Variants in TMEM132B observed in about 807,000 individuals in gnomAD.
The protein encoded by TMEM132B is transmembrane protein 132B.
In TMEM132B, 18 loss-of-function variants were observed where a neutral mutation model predicts 90.8. The ratio of observed to expected loss-of-function variants is 0.20; its 90% CI spans 0.14 to 0.29. TMEM132B has a LOEUF of 0.29. TMEM132B is among the 10% of genes least tolerant of loss of function. TMEM132B has a pLI of 1.00. For missense variants in TMEM132B, 1,096 were observed against 1,326.8 expected, an observed-to-expected ratio of 0.83 and a Z score of 2.70; for synonymous variants, 504 against 523.3, an observed-to-expected ratio of 0.96 and a Z score of 0.50.
rs34356043 is a variant in TMEM132B, at chr12:125,321,476, C to CT, written c.68-27959dup. On this transcript the variant is annotated intron_variant, in intron 1 of 8. Transcript: ENST00000682704. ...GGTGTAGTCACTTTTGAAAATGATTCTTTTTTTTTTTTTTTTTCTTTACGG... is the reference window on the plus strand; with the variant it reads ...GGTGTAGTCACTTTTGAAAATGATTCTTTTTTTTTTTTTTTTTTCTTTACGG... Among the ~76,000 whole-genome samples, 288 of 130,012 alleles carry CT rather than the reference C, an allele frequency of 2.2e-3. 2 individuals are homozygous for CT. The highest frequency in any genetic ancestry group is 6.2e-3 in the African/African-American group (210 of 34,116). 85.3% of individuals were successfully genotyped at this position (130,012 alleles called of 152,430 possible). A position where few individuals can be genotyped will look rare whatever the true frequency, so the allele number is the denominator to read the frequency against.
intron 1 of TMEM132B, among the ~76,000 whole-genome samples, chr12:125,347,581 A>G (rs1877403904): frequency 6.6e-6 from 1 of 152,208 alleles, no homozygotes; most frequent in Middle Eastern, 3.2e-3. Context: ...AAAATACGCC[A>G]CCAGGAGCCA....
chr12:125,463,333 A>G (rs1041506178), intron 3 of TMEM132B, among the ~76,000 whole-genome samples: 1 of 152,190 alleles, frequency 6.6e-6, no homozygotes, highest in Non-Finnish European at 1.5e-5. Flanking sequence ...TATTGTCACA[A>G]TAGGGATGGA....
chr12:125,413,569 A>G (rs552714092), intron 2 of TMEM132B, among the ~76,000 whole-genome samples: 3 of 152,264 alleles, frequency 2.0e-5, no homozygotes, highest in African/African-American at 7.2e-5. Context: ...TTACCTTCTG[A>G]ATGTTTCATC....
At position 125,541,893 on chromosome 12, in the gene TMEM132B, C is replaced by T. The variant is rs536355642; in HGVS notation, c.1293+22268C>T. 4.0e-5 allele frequency among the ~76,000 whole-genome samples: 6 copies of T among 151,792 alleles called. No homozygotes were observed. The South Asian group carries it at 6.3e-4, about 16-fold the overall frequency. ...ATAAAAAATTAGCCGGGCGTGGTGG[C>T]GGGCACCTGTAGTCCCAGCTACTTG... is the stretch of plus-strand genomic sequence containing the variant. On this transcript the variant is annotated intron_variant, in intron 4 of 8. Coordinates refer to ENST00000682704, the MANE Select transcript of TMEM132B (RefSeq NM_001366854.1).
In TMEM132B at chr12:125,230,017, A is replaced by G. The variant is rs1318798982; in HGVS notation, c.67+43151A>G. ...TAGGTCACATGCTGGGGTGGCACCA[A>G]TCTCCCTGAAGGACAAGGGCCGGGA... is the stretch of plus-strand genomic sequence containing the variant. On this transcript the variant is annotated intron_variant, in intron 1 of 8. Coordinates refer to ENST00000682704, the MANE Select transcript of TMEM132B (RefSeq NM_001366854.1). Among the ~76,000 whole-genome samples the G allele has an allele frequency of 2.0e-5, 3 of 152,222 alleles. No homozygotes were observed. In the East Asian group the frequency reaches 5.8e-4, roughly 29 times the overall value.
At chr12:125,294,162 G>A (rs756096331) in intron 1 of TMEM132B, among the ~76,000 whole-genome samples, 26 of 152,214 alleles carry the variant, frequency 1.7e-4, no homozygotes, top group Non-Finnish European at 3.1e-4. Context: ...CATGCCCTCT[G>A]TGCCTGATCT....
Position 125,588,674 on chromosome 12 carries a change from A to G in TMEM132B, c.1437+4680A>G, listed in dbSNP as rs978767227. Among the ~76,000 whole-genome samples the G allele has an allele frequency of 2.0e-5, 3 of 152,302 alleles. No homozygotes were observed. In the South Asian group the frequency reaches 6.2e-4, roughly 32 times the overall value. On this transcript the variant is annotated intron_variant, in intron 5 of 8. Coordinates refer to ENST00000682704, the MANE Select transcript of TMEM132B (RefSeq NM_001366854.1). Reference sequence around the variant, plus strand: ...CAAAAGACAGTAGATTTTTTTAAAAAAATGTTTTCCTGGCATTTGAGCTAA... The same window carrying G: ...CAAAAGACAGTAGATTTTTTTAAAAGAATGTTTTCCTGGCATTTGAGCTAA...
In TMEM132B at chr12:125,654,538, A is replaced by C; in HGVS notation, c.3080A>C (p.Lys1027Thr). ...ATGAATTCTTCGGGCCCAAAGAGGA[A>C]GAGAGTCAAGTTCACTTCCTACACC... is the stretch of plus-strand genomic sequence containing the variant. Reference protein sequence around the residue: ...EPMNSSGPKRKRVKFTSYTTI... With the variant: ...EPMNSSGPKRTRVKFTSYTTI... The change falls in exon 9 of 9, where the codon AAG (lysine) becomes ACG (threonine). Residue 1027 changes from lysine (K) to threonine (T), a missense_variant. Coordinates refer to ENST00000682704, the MANE Select transcript of TMEM132B (RefSeq NM_001366854.1). This position sits in a 1 kb window ranked among gnomAD's most constrained non-coding sequence, Gnocchi z 5.8. The C allele has an allele frequency of 1.2e-6, 2 of 1,614,150 alleles. No individual in the cohort carries two copies. The highest frequency in any genetic ancestry group is 1.7e-6 in the Non-Finnish European group (2 of 1,180,034).
At chr12:125,197,161 C>T (rs1043771899) in intron 1 of TMEM132B, among the ~76,000 whole-genome samples, 2 of 151,864 alleles carry the variant, frequency 1.3e-5, no homozygotes, top group African/African-American at 4.8e-5. Context: ...TCCCACCCTG[C>T]ACCCTCCTGT....
chr12:125,250,106 G>T (rs1175450581), intron 1 of TMEM132B, among the ~76,000 whole-genome samples: 1 of 152,232 alleles, frequency 6.6e-6, no homozygotes, highest in Admixed American at 6.5e-5. Flanking sequence ...GCACGGGCAG[G>T]TCAGCTGACA....
At chr12:125,520,824 A>G (rs1883288657) in intron 4 of TMEM132B, among the ~76,000 whole-genome samples, 1 of 152,156 alleles carries the variant, frequency 6.6e-6, no homozygotes, top group Non-Finnish European at 1.5e-5. Context: ...ACCTAGCACA[A>G]TGGCTGGCAC....
rs1303837789 is a variant in TMEM132B, at chr12:125,458,381, C to A, written c.1106+42704C>A. Among the ~76,000 whole-genome samples, 1 of 152,118 alleles carries A rather than the reference C, an allele frequency of 6.6e-6. No homozygotes were observed. Among genetic ancestry groups the A allele is most frequent in the African/African-American group, 2.4e-5 (1 of 41,404 alleles). On this transcript the variant is annotated intron_variant, in intron 3 of 8. Coordinates refer to ENST00000682704, the MANE Select transcript of TMEM132B (RefSeq NM_001366854.1). This position sits in a 1 kb window ranked among gnomAD's most constrained non-coding sequence, Gnocchi z 4.9. The stretch of plus-strand genomic sequence containing the variant: ...AAACAACTTGGAGCTTGAATAGAAA[C>A]CAGGAAACAGCAGTTTTCAGACACT...
chr12:125,411,745 A>G (rs1160020210), intron 2 of TMEM132B, among the ~76,000 whole-genome samples: 2 of 152,110 alleles, frequency 1.3e-5, no homozygotes, highest in African/African-American at 4.8e-5. Flanking sequence ...GGGGCCGATC[A>G]TCCCACCCAG....
chr12:125,653,332 T>A (rs1886975951), intron 8 of TMEM132B, among the ~76,000 whole-genome samples: 1 of 152,250 alleles, frequency 6.6e-6, no homozygotes, highest in Admixed American at 6.5e-5. Flanking sequence ...TAAATTAATT[T>A]ATAGTTTAAT....
At chr12:125,199,842 T>C (rs973721673) in intron 1 of TMEM132B, among the ~76,000 whole-genome samples, 12 of 152,270 alleles carry the variant, frequency 7.9e-5, no homozygotes, top group African/African-American at 2.6e-4. Flanking sequence ...ACACATCAAC[T>C]GTCATTTAAG....
At chr12:125,401,918 C>T (rs548698332) in intron 2 of TMEM132B, among the ~76,000 whole-genome samples, 6 of 152,130 alleles carry the variant, frequency 3.9e-5, no homozygotes, top group African/African-American at 9.6e-5. Context: ...TGGCAATTCC[C>T]GATCTGTGCA....
intron 1 of TMEM132B, among the ~76,000 whole-genome samples, chr12:125,265,265 A>T (rs879013177): frequency 6.6e-6 from 1 of 152,118 alleles, no homozygotes; most frequent in Non-Finnish European, 1.5e-5. Flanking sequence ...CAAGATCCCC[A>T]GTGGACGCCT....
chr12:125,218,272 T>G (rs1257917406), intron 1 of TMEM132B, among the ~76,000 whole-genome samples: 1 of 152,182 alleles, frequency 6.6e-6, no homozygotes, highest in Non-Finnish European at 1.5e-5. Context: ...CATGTGCATT[T>G]TTTAACTTAA....
intron 1 of TMEM132B, among the ~76,000 whole-genome samples, chr12:125,285,445 T>A (rs1393110620): frequency 1.3e-5 from 2 of 152,074 alleles, no homozygotes; most frequent in Non-Finnish European, 2.9e-5. Flanking sequence ...CCCCAGTGAG[T>A]AGTCCTGGGC....
Sources: gnomAD v4.1 joint callset for allele counts (sites outside exome capture counted in the v4.1 genomes callset) on GRCh38, gnomAD v4.1.1 for gene constraint, Gnocchi (gnomAD v3.1) non-coding constraint, MANE v1.5 for transcripts, NCBI Gene and HGNC (gene_info 2026-07-23, HGNC 2026-07-21) for gene names.